The following DSCAM variants were observed in gnomAD, a reference collection of about 807,000 sequenced individuals.
The protein encoded by DSCAM is DS cell adhesion molecule, also known as cell adhesion molecule DSCAM.
Under a neutral mutation model 217.7 loss-of-function variants are expected in DSCAM, and 47 were observed. The ratio of observed to expected loss-of-function variants is 0.22; its 90% confidence interval spans 0.17 to 0.28. DSCAM has a LOEUF of 0.28. Among genes scored for constraint, DSCAM ranks in the 10% least tolerant of loss-of-function variants. DSCAM has a pLI of 1.00. For synonymous variants in DSCAM, 1,056 were observed against 1,015.3 expected (o/e 1.04, Z -0.76); for missense variants, 2,080 against 2,618.3 (o/e 0.79, Z 4.49).
chr21:40,416,903 A>T (rs899475692), intron 3 of DSCAM, among the ~76,000 whole-genome samples: 3 of 152,130 alleles, frequency 2.0e-5, no homozygotes, highest in African/African-American at 7.2e-5. Context: ...CCCCCCAAAA[A>T]TGCTTTATAA....
At chr21:40,271,894 T>A (rs1477144598) in intron 11 of DSCAM, among the ~76,000 whole-genome samples, 2 of 152,168 alleles carry the variant, frequency 1.3e-5, no homozygotes, top group Non-Finnish European at 2.9e-5. Flanking sequence ...CTGCCCCTTT[T>A]GTTTATGTGA....
At chr21:40,112,724 T>A (rs553859569) in intron 20 of DSCAM, among the ~76,000 whole-genome samples, 2 of 152,116 alleles carry the variant, frequency 1.3e-5, no homozygotes, top group East Asian at 3.9e-4. Flanking sequence ...ATACAAATGA[T>A]AAAGGGGATA....
At chr21:40,493,911 C>T (rs891711700) in intron 3 of DSCAM, among the ~76,000 whole-genome samples, 13 of 146,178 alleles carry the variant, frequency 8.9e-5, no homozygotes, top group African/African-American at 3.2e-4. Flanking sequence ...TATATATAAA[C>T]TGTTGGGCGA....
chr21:40,832,741 A>G (rs777369714), intron 1 of DSCAM, among the ~76,000 whole-genome samples: 14 of 152,194 alleles, frequency 9.2e-5, no homozygotes, highest in Non-Finnish European at 1.6e-4. Context: ...GATAGGGTGC[A>G]AGGAAAAATT....
At chr21:40,457,108 C>A (rs2075769888) in intron 3 of DSCAM, among the ~76,000 whole-genome samples, 1 of 152,058 alleles carries the variant, frequency 6.6e-6, no homozygotes, top group Non-Finnish European at 1.5e-5. Flanking sequence ...GATATAAATA[C>A]TGGAAAAACC....
chr21:40,569,423 C>G (rs889279348), intron 3 of DSCAM, among the ~76,000 whole-genome samples: 5 of 152,088 alleles, frequency 3.3e-5, no homozygotes, highest in African/African-American at 1.2e-4. Context: ...TTACGTGGCC[C>G]TCATTCAATC....
chr21:40,624,680 A>G (rs528042129), intron 3 of DSCAM, among the ~76,000 whole-genome samples: 2 of 152,358 alleles, frequency 1.3e-5, no homozygotes, highest in Middle Eastern at 6.8e-3. Context: ...AGAAGGGCTA[A>G]GAAAATTGTG....
intron 3 of DSCAM, among the ~76,000 whole-genome samples, chr21:40,644,424 G>A (rs923082973): frequency 6.6e-6 from 1 of 152,180 alleles, no homozygotes; most frequent in Non-Finnish European, 1.5e-5. Flanking sequence ...GCATAAGCAA[G>A]AAAACAGCAG....
At chr21:40,759,730 C>G (rs2091311919) in intron 1 of DSCAM, among the ~76,000 whole-genome samples, 1 of 152,270 alleles carries the variant, frequency 6.6e-6, no homozygotes, top group African/African-American at 2.4e-5. Context: ...CTCCCCATCC[C>G]TCCTGCCATC....
intron 4 of DSCAM, 91 bp downstream of exon 4, chr21:40,369,008 G>C: frequency 7.3e-7 from 1 of 1,374,066 alleles, no homozygotes; most frequent in Non-Finnish European, 9.5e-7. Flanking sequence ...CTCCATTTTA[G>C]TGGCAACACT....
At chr21:40,291,771 C>T (rs1051017260) in intron 10 of DSCAM, among the ~76,000 whole-genome samples, 7 of 152,204 alleles carry the variant, frequency 4.6e-5, no homozygotes, top group African/African-American at 1.4e-4. Context: ...AGCGTCACCC[C>T]CCAGGCATGC....
intron 3 of DSCAM, among the ~76,000 whole-genome samples, chr21:40,457,711 G>A (rs1314477726): frequency 2.6e-5 from 4 of 152,050 alleles, no homozygotes; most frequent in Non-Finnish European, 2.9e-5. Context: ...AAAGAATAAC[G>A]TAAAATATGA....
intron 2 of DSCAM, among the ~76,000 whole-genome samples, chr21:40,696,974 C>T (rs942326729): frequency 2.0e-5 from 3 of 152,088 alleles, no homozygotes; most frequent in African/African-American, 7.2e-5. Flanking sequence ...ACTATAATTT[C>T]CCTACTGTGC....
At chr21:40,153,147 C>T (rs1471645811) in intron 16 of DSCAM, among the ~76,000 whole-genome samples, 1 of 152,178 alleles carries the variant, frequency 6.6e-6, no homozygotes, top group African/African-American at 2.4e-5. Flanking sequence ...CTCCCCTTAC[C>T]TGCTTTCCAA....
intron 11 of DSCAM, among the ~76,000 whole-genome samples, chr21:40,217,165 C>T (rs2091251080): frequency 6.6e-6 from 1 of 152,072 alleles, no homozygotes; most frequent in Admixed American, 6.6e-5. Flanking sequence ...ATGTATATAT[C>T]TTATTATTGT....
At chr21:40,795,465 G>T (rs2123478794) in intron 1 of DSCAM, among the ~76,000 whole-genome samples, 1 of 152,144 alleles carries the variant, frequency 6.6e-6, no homozygotes, top group South Asian at 2.1e-4. Context: ...ATTTATTTAG[G>T]CTGGATTTCA....
intron 4 of DSCAM, among the ~76,000 whole-genome samples, chr21:40,359,337 T>C (rs2074732140): frequency 6.6e-6 from 1 of 152,226 alleles, no homozygotes. Flanking sequence ...ATTTTTCTCC[T>C]CTTACATCAC....
At chr21:40,507,289 A>T (rs1380020156) in intron 3 of DSCAM, among the ~76,000 whole-genome samples, 2 of 152,120 alleles carry the variant, frequency 1.3e-5, no homozygotes, top group Non-Finnish European at 2.9e-5. Flanking sequence ...AAATAATAAT[A>T]ATAAAAATAA....
chr21:40,271,110 T>C (rs1299647676), intron 11 of DSCAM, among the ~76,000 whole-genome samples: 1 of 152,162 alleles, frequency 6.6e-6, no homozygotes, highest in Non-Finnish European at 1.5e-5. Context: ...GCTGAGTGAG[T>C]TGGTGCATGC....
Sources: allele counts gnomAD v4.1 joint callset (sites outside exome capture counted in the v4.1 genomes callset), GRCh38; gene constraint gnomAD v4.1.1; transcripts MANE v1.5; gene names NCBI Gene and HGNC (gene_info 2026-07-23, HGNC 2026-07-21).